Variants in ARHGEF16 observed in about 807,000 individuals in gnomAD.
ARHGEF16 encodes the protein Rho guanine exchange factor (GEF) 16.
A neutral mutation model predicts 74.1 loss-of-function variants in ARHGEF16; 59 were observed. The observed-to-expected ratio is 0.80, with a 90% CI of 0.65 to 0.99. ARHGEF16 has a LOEUF of 0.99. Ranked by LOEUF, ARHGEF16 falls within the 50% of genes least tolerant of loss-of-function variation. The pLI is 0.00. For synonymous variants in ARHGEF16, 415 were observed against 412.6 expected, an observed-to-expected ratio of 1.01 and a Z score of -0.07; for missense variants, 948 against 986.6, an observed-to-expected ratio of 0.96 and a Z score of 0.52.
intron 1 of ARHGEF16, among the ~76,000 whole-genome samples, chr1:3,462,066 C>T (rs74050510): frequency 4.0e-5 from 6 of 149,714 alleles, no homozygotes; most frequent in Non-Finnish European, 7.4e-5. Context: ...CTCGGGGGCA[C>T]GCGCTGCCAG....
intron 10 of ARHGEF16, among the ~76,000 whole-genome samples, chr1:3,476,409 C>A (rs1273379463): frequency 1.3e-5 from 2 of 152,160 alleles, no homozygotes; most frequent in African/African-American, 4.8e-5. Context: ...TTGCCTGGGG[C>A]CAGCGCTCCT....
chr1:3,462,550 A>G (rs1639425303), intron 1 of ARHGEF16, among the ~76,000 whole-genome samples: 3 of 152,196 alleles, frequency 2.0e-5, no homozygotes, highest in Admixed American at 6.5e-5. Context: ...TGCCGGCCTC[A>G]GGAAGCCCCC....
intron 14 of ARHGEF16, 114 bp from the exon 15 acceptor site, chr1:3,480,334 G>A: frequency 1.4e-6 from 2 of 1,437,592 alleles, no homozygotes; most frequent in Non-Finnish European, 1.9e-6. Flanking sequence ...AGCAGGAGCA[G>A]GTGGTCAGTT....
chr1:3,475,990 G>A lies in ARHGEF16; in HGVS notation c.1401G>A (p.Glu467=), dbSNP rs375372258. 130 of 1,555,172 alleles carry A rather than the reference G, an allele frequency of 8.4e-5. No homozygotes were observed. Among genetic ancestry groups the A allele is most frequent in the Non-Finnish European group, 1.1e-4 (123 of 1,149,526 alleles). ...TGCAGCTGGTGAGGCAGTGCAACGAGGGGGCCCACAGGATGGAGCGCATGG... is the reference window on the plus strand; with the variant it reads ...TGCAGCTGGTGAGGCAGTGCAACGAAGGGGCCCACAGGATGGAGCGCATGG... ...AISKLVRQCN[E]GAHRMERMEQ... The change falls in exon 10 of 15, where the codon GAG becomes GAA. Residue 467 remains glutamate (E), a synonymous_variant. Transcript: ENST00000378378.
At chr1:3,474,812 C>T (rs773179785) in intron 9 of ARHGEF16, 30 bp downstream of exon 9, 19 of 1,606,438 alleles carry the variant, frequency 1.2e-5, no homozygotes, top group Admixed American at 6.7e-5. Context: ...CAGCCCTACC[C>T]GAGTCCTGTA....
At chr1:3,478,665 T>C (rs4553117) in intron 12 of ARHGEF16, 53 bp downstream of exon 12, 1,530,980 of 1,539,088 alleles carry the variant, frequency 0.99, 761,775 homozygotes, top group Non-Finnish European at 1. Flanking sequence ...ATTAGCTCCA[T>C]GGGGACCGGG....
chr1:3,479,452 G>A (rs966840606), intron 12 of ARHGEF16, 65 bp from the exon 13 acceptor site: 21 of 1,578,086 alleles, frequency 1.3e-5, no homozygotes, highest in Non-Finnish European at 1.8e-5. Context: ...GCTGTCAGAA[G>A]TCAAGGAACA....
At chr1:3,474,606 G>A (rs1639830670) in intron 8 of ARHGEF16, 102 bp from the exon 9 acceptor site, 1 of 1,169,164 alleles carries the variant, frequency 8.6e-7, no homozygotes, top group East Asian at 2.3e-5. Flanking sequence ...GGGGGCAGCT[G>A]TTGACCACCC....
In ARHGEF16 at chr1:3,480,880, G is replaced by T. The variant is rs1640040303; in HGVS notation, c.*293G>T. Reference sequence around the variant, plus strand: ...AGCTGCTGGGCCCCACCTCCCCACTGCACCCAGGGGGCAACTCCACCTGGA... The same window carrying T: ...AGCTGCTGGGCCCCACCTCCCCACTTCACCCAGGGGGCAACTCCACCTGGA... On this transcript the variant is annotated 3_prime_UTR_variant, in exon 15 of 15. Coordinates refer to ENST00000378378, the MANE Select transcript of ARHGEF16 (RefSeq NM_014448.4). 2 of 496,658 alleles carry T rather than the reference G, an allele frequency of 4.0e-6. No individual in the cohort carries two copies. Among genetic ancestry groups the T allele is most frequent in the Non-Finnish European group, 3.6e-6 (1 of 277,374 alleles). The allele number at this position is 496,658 out of a possible 1,614,324, so 30.8% of individuals were successfully genotyped here.
At chr1:3,474,625 CA>C (rs1259676069) in intron 8 of ARHGEF16, 82 bp from the exon 9 acceptor site, 1 of 1,368,718 alleles carries the variant, frequency 7.3e-7, no homozygotes, top group Non-Finnish European at 1.0e-6. Context: ...CCTGCAGCCC[CA>C]CACGGGGTCT....
At chr1:3,473,694 G>A in intron 8 of ARHGEF16, 172 bp downstream of exon 8, 1 of 1,131,614 alleles carries the variant, frequency 8.8e-7, no homozygotes, top group Middle Eastern at 2.0e-4. Flanking sequence ...TAACTTTGTG[G>A]TCGCCGCCAC....
chr1:3,469,377 C>A, intron 5 of ARHGEF16, 56 bp from the exon 6 acceptor site: 5 of 1,592,252 alleles, frequency 3.1e-6, no homozygotes, highest in Non-Finnish European at 4.3e-6. Context: ...CATTGGTCAC[C>A]GAGGCACGCC....
intron 1 of ARHGEF16, among the ~76,000 whole-genome samples, chr1:3,460,878 T>C (rs2487680): frequency 0.067 from 10,157 of 152,206 alleles, 576 homozygotes; most frequent in East Asian, 0.22. Flanking sequence ...CGTGCCTTCC[T>C]GGGATGGTTT....
In ARHGEF16 at chr1:3,463,320, C is replaced by T. The variant is rs146093416; in HGVS notation, c.236C>T (p.Ala79Val). 1.7e-4 allele frequency: 261 copies of T among 1,550,224 alleles called. 2 individuals carry two copies. In the East Asian group the frequency reaches 5.7e-3, roughly 34 times the overall value. ...ATCGTCCTGAGCACAGAGAGCCCGG[C>T]GGCCCTCAAGCTGGGCACCCAACAG... The part of the protein sequence containing the change: ...WPIVLSTESP[A>V]ALKLGTQQLI... Residue 79 changes from alanine (A) to valine (V), a missense_variant, in exon 2 of 15, where the codon GCG becomes GTG. Ala to Val is a moderately conservative substitution (Grantham distance 64). Transcript: ENST00000378378.
chr1:3,477,219 G>T (rs912329893), intron 10 of ARHGEF16, among the ~76,000 whole-genome samples: 1 of 57,596 alleles, frequency 1.7e-5, no homozygotes, highest in Non-Finnish European at 3.4e-5. Context: ...GCTGAGGAGC[G>T]GGAGCTGGTG....
chr1:3,474,995 G>C (rs1227078420), intron 9 of ARHGEF16, among the ~76,000 whole-genome samples: 1 of 149,830 alleles, frequency 6.7e-6, no homozygotes, highest in Admixed American at 6.6e-5. Flanking sequence ...CTTTCACAGC[G>C]CTGACAGGGA....
chr1:3,463,810 T>C, intron 2 of ARHGEF16, 138 bp downstream of exon 2: 1 of 683,946 alleles, frequency 1.5e-6, no homozygotes. Context: ...TCTCGACTGG[T>C]TTATTCCAGT....
At chr1:3,459,523 C>T (rs528109157) in intron 1 of ARHGEF16, among the ~76,000 whole-genome samples, 5 of 152,078 alleles carry the variant, frequency 3.3e-5, no homozygotes, top group Admixed American at 1.3e-4. Context: ...CAATGAGGGC[C>T]GGGAGCAGGT....
chr1:3,466,846 C>T (rs1268810581), intron 3 of ARHGEF16: 3 of 263,182 alleles, frequency 1.1e-5, no homozygotes, highest in African/African-American at 2.2e-5. Context: ...GAGGGGGTAC[C>T]CAGGTCTCCT....
Sources: gnomAD v4.1 joint callset for allele counts (sites outside exome capture counted in the v4.1 genomes callset) on GRCh38, gnomAD v4.1.1 for gene constraint, MANE v1.5 for transcripts, NCBI Gene and HGNC (gene_info 2026-07-23, HGNC 2026-07-21) for gene names.